TAMM41: variants seen among roughly 807,000 people sequenced by gnomAD.
TAMM41 encodes the protein phosphatidate cytidylyltransferase, mitochondrial.
A neutral mutation model predicts 44.1 loss-of-function variants in TAMM41; 36 were observed. The observed-to-expected ratio is 0.82, with a 90% CI of 0.63 to 1.08. The LOEUF (loss-of-function observed/expected upper bound fraction) is 1.08, where lower values mean the gene tolerates loss of function less well. TAMM41 is among the 50% of genes least tolerant of loss of function. TAMM41 has a pLI of 0.00. For synonymous variants in TAMM41, 164 were observed against 153.1 expected (o/e 1.07, Z -0.53); for missense variants, 417 against 404.3 (o/e 1.03, Z -0.27).
intron 7 of TAMM41, among the ~76,000 whole-genome samples, chr3:11,804,996 CTTTTTTT>C (rs1156555980): frequency 1.4e-4 from 14 of 103,064 alleles, no homozygotes; most frequent in African/African-American, 5.7e-4. Flanking sequence ...ACGCCCAGCC[CTTTTTTT>C]TTTTTTTTTT....
At chr3:11,756,039 C>T in the TAMM41 span, among the ~76,000 whole-genome samples, 1 of 152,194 alleles carries the variant, frequency 6.6e-6, no homozygotes, top group African/African-American at 2.4e-5. Context: ...CTCTGCACTC[C>T]CTTTAAGACC....
chr3:11,837,471 C>CTT lies in TAMM41; in HGVS notation c.411+1749_411+1750dup, dbSNP rs570823732. Among the ~76,000 whole-genome samples the CTT allele has an allele frequency of 2.0e-4, 30 of 147,250 alleles. No individual in the cohort carries two copies. In the South Asian group the frequency reaches 5.0e-3, roughly 24 times the overall value. On this transcript the variant is annotated intron_variant, in intron 3 of 7. Coordinates refer to ENST00000455809, the MANE Select transcript of TAMM41 (RefSeq NM_001284401.2). ...TGTTAAAAGTTTAAGTTCTCTCCCA[C>CTT]TTTTTTTTTTTCCTGTTTTGTGTTT... is the stretch of plus-strand genomic sequence containing the variant.
the TAMM41 span, among the ~76,000 whole-genome samples, chr3:11,768,657 T>C: frequency 1.3e-5 from 2 of 152,226 alleles, no homozygotes; most frequent in East Asian, 3.8e-4. Context: ...GACAAGATGT[T>C]ATAGTCCTCC....
the TAMM41 span, among the ~76,000 whole-genome samples, chr3:11,760,062 T>G: frequency 6.6e-6 from 1 of 152,208 alleles, no homozygotes; most frequent in Non-Finnish European, 1.5e-5. Flanking sequence ...TAATAATATT[T>G]CCAAAACACA....
the TAMM41 span, among the ~76,000 whole-genome samples, chr3:11,778,200 T>A: frequency 6.6e-6 from 1 of 152,250 alleles, no homozygotes; most frequent in South Asian, 2.1e-4. Context: ...GGGAGTAGAA[T>A]TTCTCGGTTA....
At chr3:11,788,344 G>T (rs140918522), downstream of TAMM41, among the ~76,000 whole-genome samples, 2 of 152,190 alleles carry the variant, frequency 1.3e-5, no homozygotes, top group African/African-American at 4.8e-5. Context: ...GCCCAGGCTG[G>T]AATACAGCGG....
At chr3:11,728,288 T>C in the TAMM41 span, among the ~76,000 whole-genome samples, 2 of 152,250 alleles carry the variant, frequency 1.3e-5, no homozygotes, top group African/African-American at 4.8e-5. Flanking sequence ...CTTTCCGCAC[T>C]GAATTTCCAG....
chr3:11,806,508 T>C (rs2077914257), intron 7 of TAMM41, among the ~76,000 whole-genome samples: 3 of 152,196 alleles, frequency 2.0e-5, no homozygotes, highest in Middle Eastern at 6.8e-3. Flanking sequence ...ACAGAAGGGT[T>C]GGAAGCTAAA....
chr3:11,802,862 G>A (rs952347684), intron 7 of TAMM41, among the ~76,000 whole-genome samples: 2 of 152,170 alleles, frequency 1.3e-5, no homozygotes, highest in African/African-American at 2.4e-5. Flanking sequence ...ATGATCAGGT[G>A]GGATTTATCC....
the TAMM41 span, among the ~76,000 whole-genome samples, chr3:11,762,757 C>T: frequency 6.6e-6 from 1 of 152,184 alleles, no homozygotes; most frequent in Non-Finnish European, 1.5e-5. Context: ...TCTGTACAAC[C>T]TTTTAAGAAA....
At chr3:11,741,745 T>A in the TAMM41 span, among the ~76,000 whole-genome samples, 1 of 150,230 alleles carries the variant, frequency 6.7e-6, no homozygotes, top group Non-Finnish European at 1.5e-5. Context: ...AACTTTCACC[T>A]TGTCACTTAA....
chr3:11,846,604 C>T lies in TAMM41; in HGVS notation c.33G>A (p.Val11=). The T allele has an allele frequency of 3.7e-6, 6 of 1,614,214 alleles. No homozygotes were observed. Among genetic ancestry groups the T allele is most frequent in the Non-Finnish European group, 5.1e-6 (6 of 1,180,036 alleles). The part of the protein sequence containing the change: MALQTLQSSW[V]TFRKILSHFP... ...AGTGAGACAGGATCTTGCGGAAGGT[C>T]ACCCACGAGCTCTGCAGCGTCTGCA... is the stretch of plus-strand genomic sequence containing the variant. The change falls in exon 1 of 8, where the codon GTG becomes GTA. Residue 11 remains valine, a synonymous_variant. Transcript: ENST00000455809.
At chr3:11,736,694 G>A in the TAMM41 span, among the ~76,000 whole-genome samples, 1 of 151,902 alleles carries the variant, frequency 6.6e-6, no homozygotes, top group African/African-American at 2.4e-5. Context: ...GTGGCTGCTC[G>A]CCAGTTTATC....
At chr3:11,763,120 T>C in the TAMM41 span, among the ~76,000 whole-genome samples, 7 of 152,302 alleles carry the variant, frequency 4.6e-5, no homozygotes, top group South Asian at 6.2e-4. Flanking sequence ...CTTTTGCCAA[T>C]TGGAAATCCT....
chr3:11,793,795 T>C (rs1475322362), intron 7 of TAMM41, among the ~76,000 whole-genome samples: 1 of 152,094 alleles, frequency 6.6e-6, no homozygotes, highest in Non-Finnish European at 1.5e-5. Context: ...AGGCTGGAGC[T>C]TACTCTCGGA....
chr3:11,801,984 G>A (rs1323884344), intron 7 of TAMM41, among the ~76,000 whole-genome samples: 1 of 152,142 alleles, frequency 6.6e-6, no homozygotes, highest in Non-Finnish European at 1.5e-5. Flanking sequence ...ACTTTGGGAG[G>A]CTGAGGCTGG....
intron 7 of TAMM41, among the ~76,000 whole-genome samples, chr3:11,805,198 C>T (rs1575621509): frequency 1.3e-5 from 2 of 151,996 alleles, no homozygotes; most frequent in Non-Finnish European, 2.9e-5. Flanking sequence ...GACGGGGTTT[C>T]ACCATGTTGC....
the TAMM41 span, among the ~76,000 whole-genome samples, chr3:11,737,899 T>A: frequency 6.6e-6 from 1 of 152,216 alleles, no homozygotes; most frequent in Non-Finnish European, 1.5e-5. Flanking sequence ...ATGGGCCGTT[T>A]GACAACGTAA....
In TAMM41 at chr3:11,816,782, G is replaced by GA. The variant is rs1214400327; in HGVS notation, c.708+409dup. Among the ~76,000 whole-genome samples, 327 of 149,684 alleles carry GA rather than the reference G, an allele frequency of 2.2e-3. 1 individual carries two copies. The highest frequency in any genetic ancestry group is 7.4e-3 in the African/African-American group (303 of 40,950). On this transcript the variant is annotated intron_variant, in intron 5 of 7. Coordinates refer to ENST00000455809, the MANE Select transcript of TAMM41 (RefSeq NM_001284401.2). Reference sequence around the variant, plus strand: ...GTCAGACCCTGTCCCCCCAAAAAAAGAAAAAAAAACAACAACAACCAGACA... The same window carrying GA: ...GTCAGACCCTGTCCCCCCAAAAAAAGAAAAAAAAAACAACAACAACCAGACA...
Sources: gnomAD v4.1 joint callset for allele counts (sites outside exome capture counted in the v4.1 genomes callset) on GRCh38, gnomAD v4.1.1 for gene constraint, MANE v1.5 for transcripts, NCBI Gene and HGNC (gene_info 2026-07-23, HGNC 2026-07-21) for gene names.